Variants in TTLL7 observed in about 807,000 individuals in gnomAD.
TTLL7 encodes the protein tubulin polyglutamylase TTLL7.
TTLL7 carries 53 observed loss-of-function variants against 120.2 expected under a neutral mutation model. That is an observed-to-expected ratio of 0.44 (90% CI 0.35 to 0.55). The LOEUF (loss-of-function observed/expected upper bound fraction) is 0.55. TTLL7 is among the 20% of genes least tolerant of loss of function. The probability of loss-of-function intolerance (pLI) is 0.00; values close to 1 mark genes in which losing one functional copy is unlikely to be tolerated. For synonymous variants in TTLL7, 353 were observed against 351.7 expected (o/e 1.00, Z -0.04); for missense variants, 803 against 1,054.7 (o/e 0.76, Z 3.31).
intron 7 of TTLL7, among the ~76,000 whole-genome samples, chr1:83,940,761 ATAT>A (rs1431582698): frequency 6.6e-6 from 1 of 152,150 alleles, no homozygotes; most frequent in Non-Finnish European, 1.5e-5. Context: ...ACAACTTTAC[ATAT>A]TATTCAAAAT....
At chr1:83,948,746 C>T (rs1307414178) in intron 4 of TTLL7, 51 bp from the exon 5 acceptor site, 1 of 1,286,806 alleles carries the variant, frequency 7.8e-7, no homozygotes, top group South Asian at 1.2e-5. Context: ...TAATTATATT[C>T]ATGTATACGA....
intron 20 of TTLL7, among the ~76,000 whole-genome samples, chr1:83,873,929 A>G (rs1048464646): frequency 1.3e-5 from 2 of 152,126 alleles, no homozygotes; most frequent in African/African-American, 4.8e-5. Flanking sequence ...GCTCATCAGA[A>G]TATCTGTCCT....
chr1:83,972,776 A>G (rs891025197), intron 1 of TTLL7, among the ~76,000 whole-genome samples: 1 of 152,084 alleles, frequency 6.6e-6, no homozygotes, highest in African/African-American at 2.4e-5. Context: ...TCCAAGACGT[A>G]CGTAGTGGCA....
At chr1:83,924,328 G>A (rs17130265) in intron 10 of TTLL7, among the ~76,000 whole-genome samples, 2,710 of 152,278 alleles carry the variant, frequency 0.018, 88 homozygotes, top group African/African-American at 0.062. Context: ...TAGGTTTTAC[G>A]AATGTGCCGA....
chr1:83,882,743 T>C, intron 20 of TTLL7: 1 of 430,910 alleles, frequency 2.3e-6, no homozygotes, highest in Non-Finnish European at 4.1e-6. Context: ...TTTCCAAGTA[T>C]GTTTTATCAC....
intron 18 of TTLL7, among the ~76,000 whole-genome samples, chr1:83,892,391 C>G (rs111205057): frequency 5.3e-5 from 1 of 18,818 alleles, no homozygotes; most frequent in Admixed American, 6.2e-4. Context: ...AATATATATA[C>G]GAATATATAT....
At chr1:83,947,445 T>G in intron 5 of TTLL7, 163 bp from the exon 6 acceptor site, 1 of 640,036 alleles carries the variant, frequency 1.6e-6, no homozygotes, top group South Asian at 2.2e-5. Flanking sequence ...TGAGCACCTA[T>G]TAAGTGTTAG....
At chr1:83,927,358 CA>C (rs1303681608) in intron 10 of TTLL7, among the ~76,000 whole-genome samples, 2 of 152,032 alleles carry the variant, frequency 1.3e-5, no homozygotes, top group Non-Finnish European at 2.9e-5. Flanking sequence ...ACTATGCAGA[CA>C]AAAGTTCCTT....
At chr1:83,904,526 T>C (rs1029282402) in intron 17 of TTLL7, among the ~76,000 whole-genome samples, 4 of 152,012 alleles carry the variant, frequency 2.6e-5, no homozygotes, top group African/African-American at 9.7e-5. Context: ...TCCCAGCTAT[T>C]TGGGTGGCTG....
At chr1:83,926,883 G>T (rs978946129) in intron 10 of TTLL7, among the ~76,000 whole-genome samples, 3 of 152,106 alleles carry the variant, frequency 2.0e-5, no homozygotes, top group African/African-American at 7.2e-5. Flanking sequence ...TATTAACCCA[G>T]TAAAACCATC....
chr1:83,867,147 A>G lies in TTLL7; in HGVS notation c.*2815T>C, dbSNP rs1456480123. On this transcript the variant is annotated 3_prime_UTR_variant, in exon 21 of 21. Coordinates refer to ENST00000260505, the MANE Select transcript of TTLL7 (RefSeq NM_024686.6). ...TAGAAAAGGGAGTCACACCTGTACA[A>G]TCACTTATGCTTATATGTTTTAACC... is the stretch of plus-strand genomic sequence containing the variant. The G allele has an allele frequency of 6.6e-6, 1 of 152,022 alleles. No homozygotes were observed. Among genetic ancestry groups the G allele is most frequent in the Non-Finnish European group, 1.5e-5 (1 of 67,900 alleles). The allele number at this position is 152,022 out of a possible 1,614,324, so 9.4% of individuals were successfully genotyped here.
At chr1:83,952,939 G>A (rs779324455) in intron 1 of TTLL7, among the ~76,000 whole-genome samples, 5 of 152,178 alleles carry the variant, frequency 3.3e-5, no homozygotes, top group African/African-American at 1.2e-4. Context: ...ATGAGACAGT[G>A]AAAAGTGCCA....
Position 83,978,620 on chromosome 1 carries a change from T to C in TTLL7, c.-177+20311A>G, listed in dbSNP as rs1215927457. On this transcript the variant is annotated intron_variant, in intron 1 of 20. Coordinates refer to ENST00000260505, the MANE Select transcript of TTLL7 (RefSeq NM_024686.6). ...AATTATTAATATTTTAATATCTTTG[T>C]AACTGATTTTTATAACTCATTTATT... 2.6e-5 allele frequency among the ~76,000 whole-genome samples: 4 copies of C among 152,302 alleles called. No individual in the cohort carries two copies. The East Asian group carries it at 7.7e-4, about 29-fold the overall frequency.
chr1:83,926,754 T>G (rs893242529), intron 10 of TTLL7, among the ~76,000 whole-genome samples: 4 of 152,164 alleles, frequency 2.6e-5, no homozygotes, highest in African/African-American at 9.7e-5. Flanking sequence ...TTAACTTAAT[T>G]TAATTTAATC....
intron 1 of TTLL7, among the ~76,000 whole-genome samples, chr1:83,991,825 T>C (rs183970987): frequency 2.2e-4 from 33 of 152,236 alleles, no homozygotes; most frequent in Non-Finnish European, 1.9e-4. Flanking sequence ...TTTATAGATA[T>C]TGCTGAGTGT....
At chr1:83,921,465 T>C (rs1050878411) in intron 10 of TTLL7, 71 bp from the exon 11 acceptor site, 5 of 1,541,216 alleles carry the variant, frequency 3.2e-6, no homozygotes, top group Non-Finnish European at 4.4e-6. Flanking sequence ...TGAGGAGAAT[T>C]TGCAGAACAG....
intron 18 of TTLL7, among the ~76,000 whole-genome samples, chr1:83,903,600 G>A (rs1004786473): frequency 3.3e-5 from 5 of 151,868 alleles, no homozygotes; most frequent in African/African-American, 9.7e-5. Flanking sequence ...ATCATCTCTA[G>A]ATTACTTATA....
At chr1:83,938,092 A>G in intron 7 of TTLL7, 76 bp from the exon 8 acceptor site, 1 of 1,359,158 alleles carries the variant, frequency 7.4e-7, no homozygotes, top group Non-Finnish European at 1.0e-6. Context: ...AAAAAAAGAC[A>G]CTCAAAGACT....
Position 83,915,017 on chromosome 1 carries a change from A to G in TTLL7, c.1587+2587T>C, listed in dbSNP as rs575563516. On this transcript the variant is annotated intron_variant, in intron 14 of 20. Coordinates refer to ENST00000260505, the MANE Select transcript of TTLL7 (RefSeq NM_024686.6). ...GTCACAACTGCTCTATAAAAGTGTT[A>G]TTTATGGAACAGCAGGAGAAAGAAA... Among the ~76,000 whole-genome samples, 4 of 152,298 alleles carry G rather than the reference A, an allele frequency of 2.6e-5. No individual in the cohort carries two copies. The South Asian group carries it at 8.3e-4, about 32-fold the overall frequency.
Sources: gnomAD v4.1 joint callset for allele counts (sites outside exome capture counted in the v4.1 genomes callset) on GRCh38, gnomAD v4.1.1 for gene constraint, MANE v1.5 for transcripts, NCBI Gene and HGNC (gene_info 2026-07-23, HGNC 2026-07-21) for gene names.